The following FBXL13 variants were observed in gnomAD, a reference collection of about 807,000 sequenced individuals.
FBXL13 encodes F-box and leucine-rich repeat protein 13.
A neutral mutation model predicts 83.6 loss-of-function variants in FBXL13; 67 were observed. The observed-to-expected ratio is 0.80, with a 90% CI of 0.66 to 0.98. The LOEUF is 0.98. Ranked by LOEUF, FBXL13 falls within the 50% of genes least tolerant of loss-of-function variation. The pLI is 0.00. For missense variants in FBXL13, 822 were observed against 866.5 expected (o/e 0.95, Z 0.64); for synonymous variants, 272 against 299.5 (o/e 0.91, Z 0.95).
chr7:102,898,913 T>A (rs906122861), intron 11 of FBXL13, among the ~76,000 whole-genome samples: 38 of 152,162 alleles, frequency 2.5e-4, no homozygotes, highest in East Asian at 1.2e-3. Flanking sequence ...TAATTTAATT[T>A]AATTAATTAT....
intron 6 of FBXL13, among the ~76,000 whole-genome samples, chr7:102,996,216 G>T (rs912087218): frequency 2.0e-5 from 3 of 152,168 alleles, no homozygotes; most frequent in Admixed American, 1.3e-4. Context: ...AATGGTTGCT[G>T]TTTCCATATA....
intron 11 of FBXL13, among the ~76,000 whole-genome samples, chr7:102,887,422 C>T (rs1810945232): frequency 6.6e-6 from 1 of 151,956 alleles, no homozygotes; most frequent in African/African-American, 2.4e-5. Context: ...CATACACACA[C>T]ACACACACAC....
chr7:102,969,276 A>G (rs536265883), intron 6 of FBXL13, among the ~76,000 whole-genome samples: 1 of 152,302 alleles, frequency 6.6e-6, no homozygotes, highest in African/African-American at 2.4e-5. Flanking sequence ...ACAATTACCT[A>G]CAATATTTAG....
chr7:102,949,764 C>T lies in FBXL13; in HGVS notation c.724+13769G>A, dbSNP rs552315781. On this transcript the variant is annotated intron_variant, in intron 8 of 19. Coordinates refer to ENST00000313221, the Ensembl canonical transcript of FBXL13. ...AGAAAATGTTTACAGGCTATCTTGA[C>T]CTCAGATACATATACAAACATATAC... 1.6e-4 allele frequency among the ~76,000 whole-genome samples: 24 copies of T among 152,242 alleles called. No homozygotes were observed. The South Asian group carries it at 4.8e-3, about 30-fold the overall frequency.
intron 6 of FBXL13, among the ~76,000 whole-genome samples, chr7:103,020,240 T>A (rs564039277): frequency 1.3e-5 from 2 of 152,288 alleles, no homozygotes; most frequent in Admixed American, 6.5e-5. Flanking sequence ...ATTATCTCAA[T>A]AGATACAGAA....
rs200641926 is a variant in FBXL13 at position 102,940,217 on chromosome 7, G to GT, written c.725-8285dup. Among the ~76,000 whole-genome samples the GT allele has an allele frequency of 8.8e-3, 1,032 of 117,482 alleles. 11 individuals carry two copies. Among genetic ancestry groups the GT allele is most frequent in the African/African-American group, 0.027 (841 of 31,544 alleles). 77.1% of individuals were successfully genotyped at this position (117,482 alleles called of 152,430 possible). A position where few individuals can be genotyped will look rare whatever the true frequency, so the allele number is the denominator to read the frequency against. ...CCAAATGTAGTGACTTTTTTTGTTT[G>GT]TTTTTTTTTTTGAGATGGAGTCTAG... is the stretch of plus-strand genomic sequence containing the variant. On this transcript the variant is annotated intron_variant, in intron 8 of 19. Transcript: ENST00000313221.
intron 17 of FBXL13, chr7:102,834,462 T>C (rs1584512420): frequency 6.8e-6 from 1 of 146,760 alleles, no homozygotes; most frequent in Non-Finnish European, 1.5e-5. Flanking sequence ...TGATTATATA[T>C]ATATATATAT....
chr7:102,894,907 C>G (rs1299359260), intron 11 of FBXL13, among the ~76,000 whole-genome samples: 1 of 152,170 alleles, frequency 6.6e-6, no homozygotes, highest in Non-Finnish European at 1.5e-5. Flanking sequence ...TAACAGGCAT[C>G]CTGAGCTTCC....
chr7:102,944,093 C>T (rs1231806212), intron 8 of FBXL13: 1 of 800,314 alleles, frequency 1.2e-6, no homozygotes, highest in Non-Finnish European at 1.9e-6. Context: ...AAAGAAATCT[C>T]TTTATTTTCA....
At chr7:102,920,891 T>A (rs894990391) in intron 10 of FBXL13, among the ~76,000 whole-genome samples, 1 of 152,194 alleles carries the variant, frequency 6.6e-6, no homozygotes, top group Non-Finnish European at 1.5e-5. Context: ...TGTTGGCTCA[T>A]ACCTGTAATC....
intron 16 of FBXL13, 51 bp downstream of exon 17, chr7:102,877,415 AT>A: frequency 1.5e-6 from 2 of 1,367,590 alleles, no homozygotes; most frequent in Non-Finnish European, 2.0e-6. Flanking sequence ...ATAGCAAATA[AT>A]TGTATTATAG....
downstream of FBXL13, among the ~76,000 whole-genome samples, chr7:102,811,847 C>A (rs1305611608): frequency 6.6e-6 from 1 of 152,160 alleles, no homozygotes; most frequent in Non-Finnish European, 1.5e-5. Context: ...TGTGCCCACT[C>A]CTAGGAACCT....
chr7:102,833,021 A>G, intron 17 of FBXL13, 47 bp from the exon 19 acceptor site: 1 of 1,604,238 alleles, frequency 6.2e-7, no homozygotes, highest in Non-Finnish European at 8.5e-7. Context: ...TTAGTCATCT[A>G]GAACTGTCTT....
At chr7:102,976,588 G>A (rs576573649) in intron 6 of FBXL13, among the ~76,000 whole-genome samples, 160 of 151,834 alleles carry the variant, frequency 1.1e-3, no homozygotes, top group African/African-American at 3.7e-3. Context: ...TCCCCCATCT[G>A]TAGTTAGCCC....
intron 7 of FBXL13, among the ~76,000 whole-genome samples, chr7:102,964,147 C>G (rs1825705244): frequency 6.6e-6 from 1 of 151,786 alleles, no homozygotes; most frequent in South Asian, 2.1e-4. Context: ...CCCGTCTCTA[C>G]TAGAAATACA....
At chr7:103,048,303 T>A (rs746150639) in intron 2 of FBXL13, among the ~76,000 whole-genome samples, 1 of 151,838 alleles carries the variant, frequency 6.6e-6, no homozygotes, top group Non-Finnish European at 1.5e-5. Context: ...TTAGCCAAAA[T>A]GATGACTCAA....
At chr7:103,039,017 C>G (rs1027139266) in intron 2 of FBXL13, among the ~76,000 whole-genome samples, 1 of 152,144 alleles carries the variant, frequency 6.6e-6, no homozygotes, top group African/African-American at 2.4e-5. Context: ...TAATAACAAA[C>G]TTCTCTGAGC....
At chr7:102,877,490 A>G in exon 16 of FBXL13, 1 of 1,608,472 alleles carries the variant, frequency 6.2e-7, no homozygotes, top group Non-Finnish European at 8.5e-7. Flanking sequence ...TCTGTTCCAG[A>G]GAGATCTATT....
chr7:102,988,343 A>G (rs1408411498), intron 6 of FBXL13: 3 of 152,268 alleles, frequency 2.0e-5, no homozygotes, highest in African/African-American at 7.2e-5. Flanking sequence ...CACTAATCAG[A>G]TAACACTTGG....
Sources: gnomAD v4.1 joint callset for allele counts (sites outside exome capture counted in the v4.1 genomes callset) on GRCh38, gnomAD v4.1.1 for gene constraint, MANE v1.5 for transcripts, NCBI Gene and HGNC (gene_info 2026-07-23, HGNC 2026-07-21) for gene names.